MIB1: variants seen among roughly 807,000 people sequenced by gnomAD.
The protein encoded by MIB1 is E3 ubiquitin-protein ligase MIB1.
Under a neutral mutation model 124.5 loss-of-function variants are expected in MIB1, and 278 were observed. The ratio of observed to expected loss-of-function variants is 2.23; its 90% CI spans 2.02 to 2.47. The LOEUF (loss-of-function observed/expected upper bound fraction) is 2.47, where lower values mean the gene tolerates loss of function less well. Among genes scored for constraint, MIB1 ranks in the 30% most tolerant of loss-of-function variants. The probability of loss-of-function intolerance (pLI) is 0.00; values close to 1 mark genes in which losing one functional copy is unlikely to be tolerated. For synonymous variants in MIB1, 446 were observed against 429.4 expected (o/e 1.04, Z -0.48); for missense variants, 957 against 1,254.4 (o/e 0.76, Z 3.58).
Position 21,799,823 on chromosome 18 carries a change from T to C in MIB1, c.1238-18T>C. 6.2e-7 allele frequency: 1 copy of C among 1,604,116 alleles called. No individual in the cohort carries two copies. The highest frequency in any genetic ancestry group is 1.3e-5 in the African/African-American group (1 of 74,802). On this transcript the variant is annotated intron_variant, in intron 8 of 20. Coordinates refer to ENST00000261537, the MANE Select transcript of MIB1 (RefSeq NM_020774.4). ...TTGAGATCCTCCTATATTAGCAGCT[T>C]TATTTGATGCTTTACAGAAAGACTC...
intron 17 of MIB1, among the ~76,000 whole-genome samples, 189 bp downstream of exon 17, chr18:21,849,577 T>G (rs2042164897): frequency 6.6e-6 from 1 of 152,222 alleles, no homozygotes; most frequent in Non-Finnish European, 1.5e-5. Context: ...TTTACAGTCT[T>G]GCTTATTAAT....
In MIB1 at chr18:21,741,987, A is replaced by C. The variant is rs2040858854; in HGVS notation, c.229+175A>C. Among the ~76,000 whole-genome samples, 1 of 152,224 alleles carries C rather than the reference A, an allele frequency of 6.6e-6. No individual in the cohort carries two copies. Among genetic ancestry groups the C allele is most frequent in the African/African-American group, 2.4e-5 (1 of 41,462 alleles). ...ATTCTAGGTTCCGAACGGGTGAACA[A>C]ACACTTTCAGAAAAGACCCTCTACC... is the stretch of plus-strand genomic sequence containing the variant. On this transcript the variant is annotated intron_variant, in intron 1 of 20. Transcript: ENST00000261537. The surrounding 1 kb of genome is among the most constrained non-coding windows in gnomAD (Gnocchi z 5.4).
intron 7 of MIB1, among the ~76,000 whole-genome samples, chr18:21,797,397 A>G (rs1382670665): frequency 6.6e-6 from 1 of 152,184 alleles, no homozygotes; most frequent in South Asian, 2.1e-4. Context: ...TGAGATGATA[A>G]TGGAAAATTC....
intron 12 of MIB1, chr18:21,831,105 C>CAAAAAAAAA (rs199659946): frequency 1.6e-5 from 1 of 60,886 alleles, no homozygotes; most frequent in Non-Finnish European, 3.7e-5. Flanking sequence ...CTAAAAAAGA[C>CAAAAAAAAA]AAAAAAAAAA....
chr18:21,857,331 C>G, intron 19 of MIB1, 88 bp downstream of exon 19: 1 of 771,658 alleles, frequency 1.3e-6, no homozygotes, highest in South Asian at 1.5e-5. Context: ...ACACTACTGC[C>G]TTATAAAACC....
chr18:21,744,366 G>A (rs1228005386), intron 1 of MIB1, among the ~76,000 whole-genome samples: 3 of 152,116 alleles, frequency 2.0e-5, no homozygotes, highest in African/African-American at 7.2e-5. Context: ...AAACTAGTAA[G>A]AGTTGCCTTT....
intron 12 of MIB1, among the ~76,000 whole-genome samples, chr18:21,830,277 A>G (rs1291655518): frequency 6.6e-6 from 1 of 152,172 alleles, no homozygotes; most frequent in African/African-American, 2.4e-5. Flanking sequence ...TAAACCTTGA[A>G]ATAGAAGCTA....
At chr18:21,736,361 T>C (rs542428964), upstream of MIB1, among the ~76,000 whole-genome samples, 1 of 152,204 alleles carries the variant, frequency 6.6e-6, no homozygotes, top group South Asian at 2.1e-4. Context: ...CATCCGAAGG[T>C]CACCAACATC....
chr18:21,744,270 G>T (rs1355550951), intron 1 of MIB1, among the ~76,000 whole-genome samples: 1 of 151,634 alleles, frequency 6.6e-6, no homozygotes, highest in African/African-American at 2.4e-5. Context: ...TATTTATTAA[G>T]TACTTGATAT....
Position 21,798,225 on chromosome 18 carries a change from G to A in MIB1, c.1234G>A (p.Gly412Ser). ...AGGATCAGCCATTAGCAATGCATCT[G>A]GTGGTATGTTTTATATTGTGTTTCT... The part of the protein sequence containing the change: ...SAGSAISNAS[G>S]ERLSQLLKKL... Residue 412 changes from glycine (G) to serine (S), a missense_variant, in exon 8 of 21, where the codon GGT (glycine) becomes AGT (serine). Coordinates refer to ENST00000261537, the MANE Select transcript of MIB1 (RefSeq NM_020774.4). 1 of 1,612,752 alleles carries A rather than the reference G, an allele frequency of 6.2e-7. No homozygotes were observed. Among genetic ancestry groups the A allele is most frequent in the African/African-American group, 1.3e-5 (1 of 74,964 alleles).
chr18:21,739,229 T>C (rs1226947956), upstream of MIB1, among the ~76,000 whole-genome samples: 2 of 152,126 alleles, frequency 1.3e-5, no homozygotes, highest in Admixed American at 1.3e-4. Flanking sequence ...CTCCCAAGAC[T>C]AAACCAGGAA....
intron 1 of MIB1, among the ~76,000 whole-genome samples, chr18:21,720,359 C>T (rs2040708898): frequency 6.6e-6 from 1 of 152,176 alleles, no homozygotes; most frequent in African/African-American, 2.4e-5. Flanking sequence ...ATCAGGAACA[C>T]ATGATCATCC....
At chr18:21,855,497 CTTTATG>C (rs1207711033) in intron 18 of MIB1, among the ~76,000 whole-genome samples, 2 of 152,160 alleles carry the variant, frequency 1.3e-5, no homozygotes, top group African/African-American at 2.4e-5. Flanking sequence ...TCAATTAGTC[CTTTATG>C]TTTAAGAAAA....
chr18:21,755,797 A>G (rs976032962), intron 1 of MIB1, among the ~76,000 whole-genome samples: 4 of 152,322 alleles, frequency 2.6e-5, no homozygotes, highest in East Asian at 3.9e-4. Context: ...ATTTACTTTC[A>G]TGGATATTTG....
rs2042329593 is a variant in MIB1, at chr18:21,867,613, A to T, written c.*2947A>T. 1 of 152,628 alleles carries T rather than the reference A, an allele frequency of 6.6e-6. No homozygotes were observed. Among genetic ancestry groups the T allele is most frequent in the South Asian group, 2.1e-4 (1 of 4,830 alleles). 9.5% of individuals were successfully genotyped at this position (152,628 alleles called of 1,614,324 possible). ...TTTAAACATTGCAAATTGACCAGCT[A>T]GCTATGGAAGCATAAAATTAATTGA... On this transcript the variant is annotated 3_prime_UTR_variant, in exon 21 of 21. Coordinates refer to ENST00000261537, the MANE Select transcript of MIB1 (RefSeq NM_020774.4).
intron 17 of MIB1, among the ~76,000 whole-genome samples, chr18:21,851,711 A>G (rs184301017): frequency 1.9e-4 from 29 of 152,352 alleles, no homozygotes; most frequent in African/African-American, 5.8e-4. Context: ...CTAGCAAGGA[A>G]AATGGCAAAC....
chr18:21,789,746 A>G (rs2041480692), intron 6 of MIB1, among the ~76,000 whole-genome samples: 1 of 152,114 alleles, frequency 6.6e-6, no homozygotes, highest in Admixed American at 6.5e-5. Flanking sequence ...GAACCTGGGT[A>G]ACAGAGTGAG....
At chr18:21,779,157 G>C (rs2041328038) in intron 5 of MIB1, among the ~76,000 whole-genome samples, 1 of 152,114 alleles carries the variant, frequency 6.6e-6, no homozygotes. Context: ...GTGATAGTAA[G>C]TTATCCAGGC....
rs1424382451 is a variant in MIB1, at chr18:21,861,411, T to G, written c.2880+2765T>G. Among the ~76,000 whole-genome samples the G allele has an allele frequency of 2.0e-5, 3 of 152,074 alleles. No individual in the cohort carries two copies. The East Asian group carries it at 5.8e-4, about 29-fold the overall frequency. ...CATCTTCTATAAAAAGCATTTTATATTCTAATTATGAATTAAAATTGTTCT... is the reference window on the plus strand; with the variant it reads ...CATCTTCTATAAAAAGCATTTTATAGTCTAATTATGAATTAAAATTGTTCT... On this transcript the variant is annotated intron_variant, in intron 20 of 20. Coordinates refer to ENST00000261537, the MANE Select transcript of MIB1 (RefSeq NM_020774.4).
Sources: allele counts gnomAD v4.1 joint callset (sites outside exome capture counted in the v4.1 genomes callset), GRCh38; gene constraint gnomAD v4.1.1; non-coding constraint Gnocchi (gnomAD v3.1); transcripts MANE v1.5; gene names NCBI Gene and HGNC (gene_info 2026-07-23, HGNC 2026-07-21).